Variants in NCAM2 observed in about 807,000 individuals in gnomAD.
NCAM2 encodes the protein neural cell adhesion molecule 2, also known as N-CAM-2.
Under a neutral mutation model 98.1 loss-of-function variants are expected in NCAM2, and 30 were observed. The observed-to-expected ratio is 0.31, with a 90% CI of 0.23 to 0.41. The LOEUF (loss-of-function observed/expected upper bound fraction) is 0.41. NCAM2 is among the 10% of genes least tolerant of loss of function. The probability of loss-of-function intolerance (pLI) is 1.00; values close to 1 mark genes in which losing one functional copy is unlikely to be tolerated. For missense variants in NCAM2, 867 were observed against 1,005.8 expected, an observed-to-expected ratio of 0.86 and a Z score of 1.87; for synonymous variants, 368 against 342.4, an observed-to-expected ratio of 1.07 and a Z score of -0.83.
At chr21:21,061,650 C>T (rs190024694) in intron 1 of NCAM2, among the ~76,000 whole-genome samples, 33 of 152,118 alleles carry the variant, frequency 2.2e-4, no homozygotes, top group East Asian at 1.5e-3. Flanking sequence ...AGTACTATGA[C>T]AAAATAATAG....
Position 21,458,399 on chromosome 21 carries a change from T to C in NCAM2, c.1655-8207T>C, listed in dbSNP as rs192604099. Among the ~76,000 whole-genome samples, 31 of 152,304 alleles carry C rather than the reference T, an allele frequency of 2.0e-4. No individual in the cohort carries two copies. In the East Asian group the frequency reaches 5.8e-3, roughly 28 times the overall value. ...AGCTGCAGGCTCAGGTCCCTAGCTCTGGAGAGCCGCTGGGCCCCAGCAGAG... is the reference window on the plus strand; with the variant it reads ...AGCTGCAGGCTCAGGTCCCTAGCTCCGGAGAGCCGCTGGGCCCCAGCAGAG... On this transcript the variant is annotated intron_variant, in intron 12 of 17. Transcript: ENST00000400546.
intron 1 of NCAM2, among the ~76,000 whole-genome samples, chr21:21,048,376 G>A (rs562107617): frequency 5.3e-5 from 8 of 151,260 alleles, no homozygotes; most frequent in East Asian, 1.9e-4. Flanking sequence ...TTTTTGAGAC[G>A]GAGTCTGGCT....
chr21:21,449,453 T>C (rs897415363), intron 12 of NCAM2, among the ~76,000 whole-genome samples: 1 of 151,962 alleles, frequency 6.6e-6, no homozygotes, highest in Non-Finnish European at 1.5e-5. Flanking sequence ...ACATATGATG[T>C]TTGCTAGAAT....
intron 1 of NCAM2, among the ~76,000 whole-genome samples, chr21:21,078,882 G>A (rs1355139964): frequency 1.3e-5 from 2 of 152,134 alleles, no homozygotes. Flanking sequence ...CATGTCTTTT[G>A]CAGGGATATG....
intron 1 of NCAM2, among the ~76,000 whole-genome samples, chr21:21,247,870 C>T (rs2071335468): frequency 6.6e-6 from 1 of 152,092 alleles, no homozygotes; most frequent in Non-Finnish European, 1.5e-5. Context: ...TGTTTTCCTG[C>T]CTTCTTTCCT....
chr21:21,346,208 CAA>C (rs57663409), intron 8 of NCAM2, among the ~76,000 whole-genome samples: 18 of 112,490 alleles, frequency 1.6e-4, no homozygotes, highest in East Asian at 4.7e-4. Context: ...CAACTGAAAC[CAA>C]AAAAAAAAAA....
intron 1 of NCAM2, among the ~76,000 whole-genome samples, chr21:21,257,215 G>A (rs1376085780): frequency 6.6e-6 from 1 of 152,180 alleles, no homozygotes; most frequent in Non-Finnish European, 1.5e-5. Flanking sequence ...TAAAGAGATG[G>A]ATTAAATTGG....
At chr21:21,418,751 G>T (rs1188286859) in intron 11 of NCAM2, among the ~76,000 whole-genome samples, 182 bp downstream of exon 11, 1 of 152,032 alleles carries the variant, frequency 6.6e-6, no homozygotes, top group East Asian at 1.9e-4. Context: ...GAATGAAGAG[G>T]GGTTACTCAG....
chr21:21,118,591 C>G (rs1255795189), intron 1 of NCAM2, among the ~76,000 whole-genome samples: 1 of 152,166 alleles, frequency 6.6e-6, no homozygotes, highest in African/African-American at 2.4e-5. Context: ...TACCGTAACT[C>G]TTAAACAAAG....
At chr21:21,101,880 T>C (rs2066248731) in intron 1 of NCAM2, among the ~76,000 whole-genome samples, 2 of 152,098 alleles carry the variant, frequency 1.3e-5, no homozygotes, top group Admixed American at 1.3e-4. Flanking sequence ...AATCATAGCT[T>C]TGACAATTAT....
chr21:21,406,990 G>T (rs769847884), intron 9 of NCAM2, among the ~76,000 whole-genome samples: 8 of 151,890 alleles, frequency 5.3e-5, no homozygotes, highest in Admixed American at 2.0e-4. Flanking sequence ...TTTTTCCCCT[G>T]TATGTGTTTC....
chr21:21,327,226 T>A (rs2074539991), intron 6 of NCAM2, among the ~76,000 whole-genome samples: 1 of 143,514 alleles, frequency 7.0e-6, no homozygotes, highest in Non-Finnish European at 1.5e-5. Context: ...GAGAATAGCT[T>A]GAACCCGGGA....
intron 1 of NCAM2, among the ~76,000 whole-genome samples, chr21:21,125,649 T>TTAC (rs2066800794): frequency 7.2e-6 from 1 of 138,104 alleles, no homozygotes; most frequent in Non-Finnish European, 1.5e-5. Context: ...TTTACGTGTA[T>TTAC]ATGTAGAGAT....
intron 1 of NCAM2, among the ~76,000 whole-genome samples, chr21:21,048,519 A>C (rs1431540939): frequency 6.6e-6 from 1 of 151,792 alleles, no homozygotes; most frequent in Non-Finnish European, 1.5e-5. Context: ...CGCCCGGCTA[A>C]TTTTTTTCTA....
chr21:21,383,038 TC>T (rs1456132133), intron 9 of NCAM2, among the ~76,000 whole-genome samples: 1 of 152,172 alleles, frequency 6.6e-6, no homozygotes, highest in Non-Finnish European at 1.5e-5. Context: ...AACATCTAGG[TC>T]ATTTTAGTAT....
At chr21:21,382,995 T>C (rs2076192050) in intron 9 of NCAM2, among the ~76,000 whole-genome samples, 2 of 152,286 alleles carry the variant, frequency 1.3e-5, no homozygotes, top group African/African-American at 4.8e-5. Flanking sequence ...TGCTCTAAAA[T>C]AGTTGCTCTA....
At chr21:21,185,087 T>G (rs2068596657) in intron 1 of NCAM2, among the ~76,000 whole-genome samples, 1 of 152,130 alleles carries the variant, frequency 6.6e-6, no homozygotes, top group African/African-American at 2.4e-5. Flanking sequence ...TGATAGTACC[T>G]CAAAGCAAGT....
chr21:21,455,647 A>C (rs1372822976), intron 12 of NCAM2, among the ~76,000 whole-genome samples: 4 of 152,058 alleles, frequency 2.6e-5, no homozygotes, highest in Non-Finnish European at 5.9e-5. Flanking sequence ...GAAATATTTG[A>C]ATTATTATTT....
At chr21:21,207,523 C>T (rs2069487015) in intron 1 of NCAM2, among the ~76,000 whole-genome samples, 1 of 142,834 alleles carries the variant, frequency 7.0e-6, no homozygotes, top group African/African-American at 2.6e-5. Flanking sequence ...ACTATTTGAA[C>T]TAAGGTGTAA....
Sources: gnomAD v4.1 joint callset for allele counts (sites outside exome capture counted in the v4.1 genomes callset) on GRCh38, gnomAD v4.1.1 for gene constraint, MANE v1.5 for transcripts, NCBI Gene and HGNC (gene_info 2026-07-23, HGNC 2026-07-21) for gene names.